VPS13A: variants seen among roughly 807,000 people sequenced by gnomAD.
The protein encoded by VPS13A is vacuolar protein sorting 13 homolog A, also known as intermembrane lipid transfer protein VPS13A.
VPS13A carries 264 observed loss-of-function variants against 390.9 expected under a neutral mutation model. The ratio of observed to expected loss-of-function variants is 0.68; its 90% confidence interval spans 0.61 to 0.75. The LOEUF is 0.75. Among genes scored for constraint, VPS13A ranks in the 30% least tolerant of loss-of-function variants. The probability of loss-of-function intolerance (pLI) is 0.00; values close to 1 mark genes in which losing one functional copy is unlikely to be tolerated. For synonymous variants in VPS13A, 1,231 were observed against 1,227.1 expected (o/e 1.00, Z -0.07); for missense variants, 3,409 against 3,733.9 (o/e 0.91, Z 2.27).
intron 60 of VPS13A, among the ~76,000 whole-genome samples, chr9:77,366,081 G>T (rs1384133989): frequency 6.6e-6 from 1 of 151,932 alleles, no homozygotes; most frequent in Non-Finnish European, 1.5e-5. Context: ...ATATACTTTT[G>T]GAGATACAAA....
intron 52 of VPS13A, among the ~76,000 whole-genome samples, chr9:77,345,788 C>T (rs1831115607): frequency 1.3e-5 from 2 of 152,118 alleles, no homozygotes; most frequent in Admixed American, 1.3e-4. Flanking sequence ...TTTCCTTCCA[C>T]TGCTAACTGT....
At chr9:77,281,739 G>GTATATATA (rs111517856) in intron 27 of VPS13A, 128 bp from the exon 28 acceptor site, 4 of 492,012 alleles carry the variant, frequency 8.1e-6, no homozygotes, top group South Asian at 5.7e-5. Flanking sequence ...GTGTATATGT[G>GTATATATA]TATATATATA....
At chr9:77,277,495 G>A (rs1826751838) in intron 26 of VPS13A, among the ~76,000 whole-genome samples, 1 of 152,076 alleles carries the variant, frequency 6.6e-6, no homozygotes, top group Admixed American at 6.5e-5. Flanking sequence ...CTTCTGTTTG[G>A]ACATGTATAA....
chr9:77,272,483 T>G (rs1826408160), intron 23 of VPS13A, among the ~76,000 whole-genome samples: 1 of 152,216 alleles, frequency 6.6e-6, no homozygotes, highest in Non-Finnish European at 1.5e-5. Context: ...AAGTAGTGGT[T>G]TCTTCATCAG....
chr9:77,369,497 T>C (rs1436040577), intron 63 of VPS13A, 85 bp downstream of exon 63: 14 of 951,116 alleles, frequency 1.5e-5, no homozygotes, highest in Non-Finnish European at 2.2e-5. Flanking sequence ...GTTGAGTTAA[T>C]AAGTGCAAAC....
chr9:77,311,296 G>T (rs1829061959), intron 35 of VPS13A, among the ~76,000 whole-genome samples: 1 of 152,020 alleles, frequency 6.6e-6, no homozygotes, highest in African/African-American at 2.4e-5. Flanking sequence ...TCTTCCTCCA[G>T]CCCATAAGAT....
rs767930969 is a variant in VPS13A, at chr9:77,340,534, C to T, written c.7010C>T (p.Ser2337Phe). The T allele has an allele frequency of 3.7e-6, 6 of 1,612,466 alleles. No homozygotes were observed. Among genetic ancestry groups the T allele is most frequent in the Admixed American group, 3.3e-5 (2 of 59,978 alleles). ...GAAGAAGGAAATGATAAATGGCTCT[C>T]TCTTGATTTGGAGCAGGTGGGTAGA... ...VAEEGNDKWLSLDLEQCIPFW... is the reference protein window; with the variant it reads ...VAEEGNDKWLFLDLEQCIPFW... Residue 2337 changes from serine (S) to phenylalanine (F), a missense_variant, in exon 50 of 72, where the codon TCT becomes TTT. Ser to Phe is a radical substitution (Grantham distance 155, BLOSUM62 -2). Around this residue, in one of 5 missense-constraint regions of VPS13A, gnomAD observed 2,717 missense variants for 2,917.4 expected, o/e 0.93. Transcript: ENST00000360280.
intron 70 of VPS13A, 132 bp from the exon 71 acceptor site, chr9:77,407,401 T>C (rs1834674302): frequency 3.0e-6 from 2 of 667,310 alleles, no homozygotes; most frequent in Non-Finnish European, 2.6e-6. Flanking sequence ...TCCTCATTCT[T>C]GTCTTTTTTA....
chr9:77,399,560 T>C (rs1469897295), intron 68 of VPS13A, among the ~76,000 whole-genome samples: 1 of 152,240 alleles, frequency 6.6e-6, no homozygotes, highest in Non-Finnish European at 1.5e-5. Flanking sequence ...ATGGTGTATG[T>C]AGGCTCTTGA....
intron 23 of VPS13A, among the ~76,000 whole-genome samples, chr9:77,264,689 A>C (rs951956663): frequency 6.6e-6 from 1 of 152,018 alleles, no homozygotes; most frequent in Non-Finnish European, 1.5e-5. Context: ...GCTTAAGGAG[A>C]TTTTGGGCTG....
chr9:77,384,904 T>C, intron 68 of VPS13A: 1 of 1,374,012 alleles, frequency 7.3e-7, no homozygotes, highest in Non-Finnish European at 9.4e-7. Flanking sequence ...ATTATAGATT[T>C]GCTTTTATAT....
In VPS13A at chr9:77,344,235, AT is replaced by A. The variant is rs1563943087; in HGVS notation, c.7113del (p.Phe2371LeufsTer12). 2 of 1,613,552 alleles carry A rather than the reference AT, an allele frequency of 1.2e-6. No homozygotes were observed. Among genetic ancestry groups the A allele is most frequent in the South Asian group, 2.2e-5 (2 of 91,056 alleles). ...ERSEDPPKRI[Y>X]FNKQENCILL... The stretch of plus-strand genomic sequence containing the variant: ...AGTGAAGATCCTCCCAAAAGGATAT[AT>A]TTTAACAAGCAGGAAAATTGTATTC... On this transcript the variant is annotated frameshift_variant, in exon 51 of 72. Transcript: ENST00000360280. LOFTEE classifies it high-confidence loss of function.
chr9:77,364,323 G>T (rs1832318374), intron 59 of VPS13A, among the ~76,000 whole-genome samples: 1 of 152,084 alleles, frequency 6.6e-6, no homozygotes, highest in Non-Finnish European at 1.5e-5. Flanking sequence ...TACTCAGGAG[G>T]CTGAGGCAGG....
At chr9:77,359,536 A>G in intron 58 of VPS13A, 134 bp downstream of exon 58, 1 of 906,806 alleles carries the variant, frequency 1.1e-6, no homozygotes, top group Non-Finnish European at 1.7e-6. Flanking sequence ...CAAATAAAAA[A>G]ATATAATGTT....
At chr9:77,281,998 A>G (rs1587487072) in intron 28 of VPS13A, 72 bp downstream of exon 28, 1 of 1,345,324 alleles carries the variant, frequency 7.4e-7, no homozygotes, top group Non-Finnish European at 1.0e-6. Flanking sequence ...TGGAATTGTA[A>G]GATCCTTAAA....
rs1367345103 is a variant in VPS13A, at chr9:77,372,941, C to T, written c.9077+1792C>T. ...TCCAACTTACAAGGGATGTGAAGGACCTCTTCAAGGAGAACTACAAACCAC... is the reference window on the plus strand; with the variant it reads ...TCCAACTTACAAGGGATGTGAAGGATCTCTTCAAGGAGAACTACAAACCAC... On this transcript the variant is annotated intron_variant, in intron 67 of 71. Coordinates refer to ENST00000360280, the MANE Select transcript of VPS13A (RefSeq NM_033305.3). Among the ~76,000 whole-genome samples, 7 of 151,880 alleles carry T rather than the reference C, an allele frequency of 4.6e-5. No individual in the cohort carries two copies. In the South Asian group the frequency reaches 1.5e-3, roughly 32 times the overall value.
At chr9:77,261,833 C>G (rs1825780407) in intron 23 of VPS13A, among the ~76,000 whole-genome samples, 1 of 152,190 alleles carries the variant, frequency 6.6e-6, no homozygotes, top group Non-Finnish European at 1.5e-5. Flanking sequence ...GATCTGCCTG[C>G]ACTGGGCTCC....
intron 1 of VPS13A, among the ~76,000 whole-genome samples, chr9:77,198,050 TAAAC>T (rs1397939362): frequency 6.6e-6 from 1 of 152,220 alleles, no homozygotes; most frequent in Non-Finnish European, 1.5e-5. Context: ...TATCCACTGT[TAAAC>T]AGCAGCAGCA....
intron 53 of VPS13A, among the ~76,000 whole-genome samples, chr9:77,352,488 C>G (rs1831526241): frequency 6.6e-6 from 1 of 151,862 alleles, no homozygotes; most frequent in Non-Finnish European, 1.5e-5. Flanking sequence ...AAATTCATTA[C>G]TATTAGATTT....
Sources: gnomAD v4.1 joint callset for allele counts (sites outside exome capture counted in the v4.1 genomes callset) on GRCh38, gnomAD v4.1.1 for gene constraint, gnomAD v4.1.1 regional missense constraint, MANE v1.5 for transcripts, NCBI Gene and HGNC (gene_info 2026-07-23, HGNC 2026-07-21) for gene names.